Variants in MACROD2 observed in about 807,000 individuals in gnomAD.
MACROD2 encodes the protein mono-ADP ribosylhydrolase 2, also known as ADP-ribose glycohydrolase MACROD2.
MACROD2 carries 36 observed loss-of-function variants against 70.4 expected under a neutral mutation model. The observed-to-expected ratio is 0.51, with a 90% CI of 0.39 to 0.68. The LOEUF is 0.68. MACROD2 is among the 30% of genes least tolerant of loss of function. The pLI is 0.00. For synonymous variants in MACROD2, 172 were observed against 178.8 expected (o/e 0.96, Z 0.30); for missense variants, 496 against 538.4 (o/e 0.92, Z 0.78).
chr20:14,463,438 G>A (rs1265223958), intron 3 of MACROD2, among the ~76,000 whole-genome samples: 2 of 152,044 alleles, frequency 1.3e-5, no homozygotes, highest in South Asian at 4.1e-4. Flanking sequence ...ATTTTGGGCT[G>A]AGATGATGGG....
chr20:16,017,874 C>G (rs566276505), intron 15 of MACROD2, among the ~76,000 whole-genome samples: 6 of 152,322 alleles, frequency 3.9e-5, no homozygotes, highest in African/African-American at 1.4e-4. Flanking sequence ...GCCCCCATGA[C>G]AGCACCAGCC....
At chr20:14,278,466 G>A (rs1339091812) in intron 3 of MACROD2, among the ~76,000 whole-genome samples, 2 of 152,132 alleles carry the variant, frequency 1.3e-5, no homozygotes, top group Non-Finnish European at 2.9e-5. Flanking sequence ...TAAATAAAAC[G>A]ACACTACTTG....
At chr20:14,089,219 A>G (rs1020631174) in intron 3 of MACROD2, among the ~76,000 whole-genome samples, 6 of 152,226 alleles carry the variant, frequency 3.9e-5, no homozygotes, top group Non-Finnish European at 8.8e-5. Flanking sequence ...GATCCCAGGT[A>G]GATAGAAAAG....
intron 5 of MACROD2, among the ~76,000 whole-genome samples, chr20:15,188,958 A>C (rs1181622026): frequency 6.6e-6 from 1 of 152,198 alleles, no homozygotes; most frequent in Non-Finnish European, 1.5e-5. Flanking sequence ...CACAGACATC[A>C]GTGCTATTTA....
chr20:15,177,943 T>C (rs1054639386), intron 5 of MACROD2, among the ~76,000 whole-genome samples: 4 of 137,494 alleles, frequency 2.9e-5, no homozygotes, highest in Non-Finnish European at 6.2e-5. Flanking sequence ...AATGGCATGC[T>C]TTTTTTTTTT....
chr20:14,419,472 T>C (rs2083851884), intron 3 of MACROD2, among the ~76,000 whole-genome samples: 1 of 152,250 alleles, frequency 6.6e-6, no homozygotes, highest in Admixed American at 6.5e-5. Flanking sequence ...CTCCTCAGAC[T>C]GCTGGGGAAT....
intron 6 of MACROD2, among the ~76,000 whole-genome samples, chr20:15,243,843 G>T (rs977853880): frequency 5.3e-5 from 8 of 151,704 alleles, no homozygotes; most frequent in African/African-American, 9.7e-5. Context: ...GGAGAATGGC[G>T]TGAATCTGGG....
chr20:15,533,948 G>T (rs73098278), intron 8 of MACROD2, among the ~76,000 whole-genome samples: 1 of 152,150 alleles, frequency 6.6e-6, no homozygotes, highest in Non-Finnish European at 1.5e-5. Flanking sequence ...TCACAGAGGG[G>T]CTAAATGCTT....
intron 4 of MACROD2, among the ~76,000 whole-genome samples, chr20:14,635,583 A>G (rs551840171): frequency 1.7e-4 from 26 of 152,350 alleles, no homozygotes; most frequent in African/African-American, 5.3e-4. Context: ...ATTAATTTTT[A>G]CTTATTAATA....
At chr20:15,661,995 G>A (rs1434572929) in intron 8 of MACROD2, among the ~76,000 whole-genome samples, 1 of 152,040 alleles carries the variant, frequency 6.6e-6, no homozygotes, top group Non-Finnish European at 1.5e-5. Flanking sequence ...TATCCTCAGG[G>A]ACCTCTTAAA....
chr20:15,703,157 A>G (rs777186361), intron 8 of MACROD2, among the ~76,000 whole-genome samples: 5 of 152,208 alleles, frequency 3.3e-5, no homozygotes, highest in Non-Finnish European at 7.3e-5. Flanking sequence ...TTGATTAAAG[A>G]TTTAAATGTA....
chr20:15,098,849 G>A (rs2075852311), intron 5 of MACROD2, among the ~76,000 whole-genome samples: 1 of 152,214 alleles, frequency 6.6e-6, no homozygotes, highest in Non-Finnish European at 1.5e-5. Context: ...GGAACAGCAT[G>A]AGCCAAAGCT....
intron 3 of MACROD2, among the ~76,000 whole-genome samples, chr20:14,478,544 T>G (rs367612814): frequency 1.3e-4 from 20 of 152,312 alleles, no homozygotes; most frequent in African/African-American, 4.8e-4. Flanking sequence ...TTGTCTTATC[T>G]TATTTGGGGT....
chr20:14,242,668 A>G (rs1251784863), intron 3 of MACROD2, among the ~76,000 whole-genome samples: 1 of 152,128 alleles, frequency 6.6e-6, no homozygotes, highest in Non-Finnish European at 1.5e-5. Context: ...GAAAAGGAAA[A>G]CCAGAAAACA....
At chr20:15,722,158 A>G (rs931228679) in intron 8 of MACROD2, among the ~76,000 whole-genome samples, 1 of 152,196 alleles carries the variant, frequency 6.6e-6, no homozygotes, top group Non-Finnish European at 1.5e-5. Context: ...CATTAAGGAT[A>G]ATTTCAGTTT....
chr20:14,651,045 A>G (rs2087352540), intron 4 of MACROD2, among the ~76,000 whole-genome samples: 2 of 152,236 alleles, frequency 1.3e-5, no homozygotes, highest in South Asian at 4.1e-4. Context: ...TATTAGGTCT[A>G]TAGAATGTCA....
intron 7 of MACROD2, among the ~76,000 whole-genome samples, chr20:15,471,612 T>C (rs771838879): frequency 6.6e-6 from 1 of 152,238 alleles, no homozygotes; most frequent in Non-Finnish European, 1.5e-5. Flanking sequence ...AAGTTTACTC[T>C]GTAGATTACT....
chr20:14,306,491 G>T (rs547710699), intron 3 of MACROD2, among the ~76,000 whole-genome samples: 1 of 151,952 alleles, frequency 6.6e-6, no homozygotes. Flanking sequence ...AGTCCTGGAG[G>T]ATATAATTAA....
At chr20:14,655,253 A>C (rs1325385068) in intron 4 of MACROD2, among the ~76,000 whole-genome samples, 25 of 151,758 alleles carry the variant, frequency 1.6e-4, no homozygotes, top group Admixed American at 1.6e-3. Flanking sequence ...TCAGTGGAAT[A>C]ACAGTGTGAT....
Sources: allele counts gnomAD v4.1 joint callset (sites outside exome capture counted in the v4.1 genomes callset), GRCh38; gene constraint gnomAD v4.1.1; transcripts MANE v1.5; gene names NCBI Gene and HGNC (gene_info 2026-07-23, HGNC 2026-07-21).